TNRC6B: variants seen among roughly 807,000 people sequenced by gnomAD.
TNRC6B encodes trinucleotide repeat containing adaptor 6B.
Under a neutral mutation model 203.6 loss-of-function variants are expected in TNRC6B, and 52 were observed. That is an observed-to-expected ratio of 0.26 (90% confidence interval 0.20 to 0.32). TNRC6B has a LOEUF of 0.32. Among genes scored for constraint, TNRC6B ranks in the 10% least tolerant of loss-of-function variants. The pLI is 1.00. For synonymous variants in TNRC6B, 838 were observed against 845.7 expected, an observed-to-expected ratio of 0.99 and a Z score of 0.16; for missense variants, 1,923 against 2,286.2, an observed-to-expected ratio of 0.84 and a Z score of 3.24.
chr22:40,314,894 A>G (rs984845225), intron 19 of TNRC6B, among the ~76,000 whole-genome samples: 1 of 152,226 alleles, frequency 6.6e-6, no homozygotes, highest in African/African-American at 2.4e-5. Flanking sequence ...TATTCAGTCA[A>G]TGATTATTTA....
intron 3 of TNRC6B, among the ~76,000 whole-genome samples, chr22:40,255,592 G>A (rs1037307853): frequency 6.6e-6 from 1 of 152,168 alleles, no homozygotes. Flanking sequence ...GTGAATGAAC[G>A]TGAGGTATTA....
chr22:40,122,398 C>G (rs2079944624), intron 2 of TNRC6B, among the ~76,000 whole-genome samples: 1 of 152,240 alleles, frequency 6.6e-6, no homozygotes, highest in South Asian at 2.1e-4. Flanking sequence ...TGTGACACAT[C>G]TACAGGCCAG....
intron 17 of TNRC6B, among the ~76,000 whole-genome samples, chr22:40,311,605 G>A (rs1331830453): frequency 1.3e-5 from 2 of 151,410 alleles, no homozygotes; most frequent in Non-Finnish European, 2.9e-5. Flanking sequence ...GCAGTGGTGC[G>A]ATCTTGGTTC....
intron 3 of TNRC6B, among the ~76,000 whole-genome samples, chr22:40,139,435 G>A (rs2068627448): frequency 6.6e-6 from 1 of 150,796 alleles, no homozygotes; most frequent in Non-Finnish European, 1.5e-5. Context: ...GGGTTCCAGT[G>A]ATTCTCCTGC....
At chr22:40,274,999 C>T (rs900641399) in intron 7 of TNRC6B, among the ~76,000 whole-genome samples, 1 of 152,210 alleles carries the variant, frequency 6.6e-6, no homozygotes, top group Non-Finnish European at 1.5e-5. Context: ...CTAATATTCT[C>T]CCACGTTTCA....
In TNRC6B at chr22:40,266,727, C is replaced by G. The variant is rs2070486655; in HGVS notation, c.2497C>G (p.Gln833Glu). ...QQPPQQPPPP[Q>E]PEASGSWGGP... Reference sequence around the variant, plus strand: ...GCCCCCACAGCAGCCGCCGCCACCACAACCAGAGGCTTCTGGTTCGTGGGG... The same window carrying G: ...GCCCCCACAGCAGCCGCCGCCACCAGAACCAGAGGCTTCTGGTTCGTGGGG... Residue 833 changes from glutamine to glutamate, a missense_variant, in exon 5 of 23, where the codon CAA (glutamine) becomes GAA (glutamate). Around this residue, in one of 8 missense-constraint regions of TNRC6B, gnomAD observed 599 missense variants for 656.5 expected, o/e 0.91. Coordinates refer to ENST00000454349, the MANE Select transcript of TNRC6B (RefSeq NM_001162501.2). The G allele has an allele frequency of 1.2e-6, 2 of 1,613,916 alleles. No homozygotes were observed. The highest frequency in any genetic ancestry group is 1.7e-6 in the Non-Finnish European group (2 of 1,179,896).
At position 40,327,899 on chromosome 22, in the gene TNRC6B, G is replaced by C. The variant is rs1476671115; in HGVS notation, c.*4658G>C. The C allele has an allele frequency of 6.6e-6, 1 of 151,758 alleles. No individual in the cohort carries two copies. Among genetic ancestry groups the C allele is most frequent in the Non-Finnish European group, 1.5e-5 (1 of 67,970 alleles). 9.4% of individuals were successfully genotyped at this position (151,758 alleles called of 1,614,324 possible). A position where few individuals can be genotyped will look rare whatever the true frequency, so the allele number is the denominator to read the frequency against. On this transcript the variant is annotated 3_prime_UTR_variant, in exon 23 of 23. Transcript: ENST00000454349. Reference sequence around the variant, plus strand: ...AACACTTGATTACTAGTGGCTTAGAGGTGTGTACATCTCCTGAACATCACA... The same window carrying C: ...AACACTTGATTACTAGTGGCTTAGACGTGTGTACATCTCCTGAACATCACA...
At chr22:40,299,158 C>CAAAAAAAAAAAAAA (rs796432826) in intron 12 of TNRC6B, among the ~76,000 whole-genome samples, 4 of 103,066 alleles carry the variant, frequency 3.9e-5, no homozygotes, top group East Asian at 2.7e-4. Flanking sequence ...AAAAAAAAAA[C>CAAAAAAAAAAAAAA]AAAAAAAAAA....
intron 7 of TNRC6B, chr22:40,276,850 C>G: frequency 2.8e-6 from 1 of 357,378 alleles, no homozygotes; most frequent in South Asian, 1.3e-4. Flanking sequence ...ATGTATTTTT[C>G]CAGTTACTTC....
At chr22:40,212,407 T>A (rs2069577392) in intron 1 of TNRC6B, among the ~76,000 whole-genome samples, 1 of 152,260 alleles carries the variant, frequency 6.6e-6, no homozygotes, top group Non-Finnish European at 1.5e-5. Flanking sequence ...CTGTACATAG[T>A]GCTGTTAGCA....
intron 12 of TNRC6B, among the ~76,000 whole-genome samples, chr22:40,290,353 T>C (rs1013756924): frequency 1.1e-4 from 17 of 152,232 alleles, no homozygotes; most frequent in African/African-American, 4.1e-4. Context: ...AAAGGCAGGT[T>C]GTGTTACTCT....
chr22:40,200,618 T>C (rs2069400249), intron 1 of TNRC6B, among the ~76,000 whole-genome samples: 1 of 152,084 alleles, frequency 6.6e-6, no homozygotes, highest in Non-Finnish European at 1.5e-5. Flanking sequence ...AAAATTTAAA[T>C]CATGAGAAGT....
chr22:40,143,686 C>T (rs535807012), intron 3 of TNRC6B, among the ~76,000 whole-genome samples: 14 of 152,218 alleles, frequency 9.2e-5, no homozygotes, highest in Middle Eastern at 3.4e-3. Flanking sequence ...TTAGTAGAGA[C>T]AGGGTTTCAC....
intron 12 of TNRC6B, among the ~76,000 whole-genome samples, chr22:40,291,272 C>A (rs1484142978): frequency 6.6e-6 from 1 of 152,016 alleles, no homozygotes; most frequent in Non-Finnish European, 1.5e-5. Context: ...GTAGTCCCAG[C>A]TACTTGGGAG....
chr22:40,182,932 A>G (rs1414805591), intron 1 of TNRC6B, among the ~76,000 whole-genome samples: 1 of 152,118 alleles, frequency 6.6e-6, no homozygotes, highest in Non-Finnish European at 1.5e-5. Context: ...ACATCCTTCA[A>G]TTTTACTTTT....
At chr22:40,298,065 C>CAGTGAGCCGAG (rs892731569) in intron 12 of TNRC6B, among the ~76,000 whole-genome samples, 3 of 151,884 alleles carry the variant, frequency 2.0e-5, no homozygotes, top group Admixed American at 2.0e-4. Flanking sequence ...GTGGAGCTTG[C>CAGTGAGCCGAG]AGTGAGCCGA....
intron 1 of TNRC6B, among the ~76,000 whole-genome samples, chr22:40,080,112 T>TG (rs1478401869): frequency 6.7e-5 from 10 of 149,366 alleles, no homozygotes; most frequent in Non-Finnish European, 1.2e-4. Context: ...TTTTTTTTTT[T>TG]TGTGTAGAGA....
intron 4 of TNRC6B, among the ~76,000 whole-genome samples, chr22:40,262,731 G>A (rs1303100795): frequency 6.6e-6 from 1 of 152,138 alleles, no homozygotes; most frequent in African/African-American, 2.4e-5. Context: ...TAGCTGAAAG[G>A]TTCTACTAGA....
intron 12 of TNRC6B, among the ~76,000 whole-genome samples, chr22:40,295,729 C>CA (rs112657428): frequency 0.12 from 17,725 of 148,750 alleles, 1,077 homozygotes; most frequent in South Asian, 0.15. Flanking sequence ...CTGAGACTTG[C>CA]AAAAAAAAAT....
Sources: gnomAD v4.1 joint callset for allele counts (sites outside exome capture counted in the v4.1 genomes callset) on GRCh38, gnomAD v4.1.1 for gene constraint, gnomAD v4.1.1 regional missense constraint, MANE v1.5 for transcripts, NCBI Gene and HGNC (gene_info 2026-07-23, HGNC 2026-07-21) for gene names.